CLOCK: variants seen among roughly 807,000 people sequenced by gnomAD.
The protein encoded by CLOCK is circadian locomoter output cycles protein kaput.
CLOCK carries 43 observed loss-of-function variants against 118.4 expected under a neutral mutation model. The observed-to-expected ratio is 0.36, with a 90% confidence interval of 0.28 to 0.47. The LOEUF (loss-of-function observed/expected upper bound fraction) is 0.47. Ranked by LOEUF, CLOCK falls within the 20% of genes least tolerant of loss-of-function variation. CLOCK has a pLI of 1.00. For missense variants in CLOCK, 846 were observed against 999.9 expected, an observed-to-expected ratio of 0.85 and a Z score of 2.08; for synonymous variants, 326 against 339.2, an observed-to-expected ratio of 0.96 and a Z score of 0.43.
intron 8 of CLOCK, among the ~76,000 whole-genome samples, chr4:55,466,058 AT>A (rs1378733252): frequency 3.9e-5 from 6 of 152,294 alleles, no homozygotes; most frequent in Admixed American, 6.5e-5. Context: ...GATGCAAAAA[AT>A]AATCTGATAT....
chr4:55,470,352 G>T (rs949458278), intron 8 of CLOCK, among the ~76,000 whole-genome samples: 1 of 152,002 alleles, frequency 6.6e-6, no homozygotes, highest in Non-Finnish European at 1.5e-5. Context: ...TCAGTACAGC[G>T]GCATGCTGTA....
intron 1 of CLOCK, among the ~76,000 whole-genome samples, chr4:55,537,206 G>C (rs910309926): frequency 6.6e-6 from 1 of 152,150 alleles, no homozygotes; most frequent in Non-Finnish European, 1.5e-5. Context: ...GAAACGGCCA[G>C]GAGTGGAGGC....
Position 55,435,219 on chromosome 4 carries a change from T to A in CLOCK, c.*196A>T. 1 of 630,592 alleles carries A rather than the reference T, an allele frequency of 1.6e-6. No individual in the cohort carries two copies. 39.1% of individuals were successfully genotyped at this position (630,592 alleles called of 1,614,324 possible). Reference sequence around the variant, plus strand: ...AACTGGCTATGCCCCTATGATCACCTCCTGCTGGCTGGTATTTAATGTACA... The same window carrying A: ...AACTGGCTATGCCCCTATGATCACCACCTGCTGGCTGGTATTTAATGTACA... On this transcript the variant is annotated 3_prime_UTR_variant, in exon 23 of 23. Transcript: ENST00000513440.
chr4:55,528,033 CAAA>C (rs11361087), intron 1 of CLOCK, among the ~76,000 whole-genome samples: 4 of 138,270 alleles, frequency 2.9e-5, no homozygotes, highest in African/African-American at 2.7e-5. Flanking sequence ...CCCTGTCTCT[CAAA>C]AAAAAAAAAA....
chr4:55,470,956 C>A (rs536457674), intron 7 of CLOCK, 150 bp from the exon 8 acceptor site: 7 of 626,256 alleles, frequency 1.1e-5, no homozygotes, highest in Middle Eastern at 4.4e-4. Context: ...CTTTACAATA[C>A]CTTGGTATGT....
In CLOCK at chr4:55,444,698, G is replaced by A. The variant is rs774685553; in HGVS notation, c.1627C>T (p.Arg543Trp). 1.2e-6 allele frequency: 2 copies of A among 1,613,990 alleles called. No individual in the cohort carries two copies. The highest frequency in any genetic ancestry group is 1.7e-6 in the Non-Finnish European group (2 of 1,179,984). ...ATTTTTCTTAGTTCTTCTTGTTGCC[G>A]ATGAATATTTGCTTCTATCATGCGT... ...RTRMIEANIH[R>W]QQEELRKIQE... The change falls in exon 19 of 23, where the codon CGG (arginine) becomes TGG (tryptophan). Residue 543 changes from arginine to tryptophan, a missense_variant. Coordinates refer to ENST00000513440, the MANE Select transcript of CLOCK (RefSeq NM_004898.4).
chr4:55,500,592 C>T (rs1235758229), intron 2 of CLOCK, among the ~76,000 whole-genome samples: 1 of 152,118 alleles, frequency 6.6e-6, no homozygotes, highest in Non-Finnish European at 1.5e-5. Flanking sequence ...CTCAAGCAAT[C>T]CTCCTGCCGT....
In CLOCK at chr4:55,476,213, G is replaced by A. The variant is rs1055267459; in HGVS notation, c.257-159C>T. ...CAAGAGGTCCAGGTTTTGGTATGAT[G>A]AAATATTTGAGATAACATGGCAAGT... On this transcript the variant is annotated intron_variant, in intron 6 of 22. Transcript: ENST00000513440. Among the ~76,000 whole-genome samples, 11 of 152,268 alleles carry A rather than the reference G, an allele frequency of 7.2e-5. No individual in the cohort carries two copies. The East Asian group carries it at 2.1e-3, about 29-fold the overall frequency.
At chr4:55,452,852 C>T (rs1251953326) in intron 15 of CLOCK, 4 of 469,710 alleles carry the variant, frequency 8.5e-6, no homozygotes, top group African/African-American at 7.9e-5. Context: ...AGATCAGACA[C>T]ATCTCTCATC....
chr4:55,468,444 T>C (rs980547160), intron 8 of CLOCK, among the ~76,000 whole-genome samples: 3 of 152,198 alleles, frequency 2.0e-5, no homozygotes, highest in Non-Finnish European at 4.4e-5. Flanking sequence ...AGAAAAAAAG[T>C]AAGCACATAA....
intron 2 of CLOCK, among the ~76,000 whole-genome samples, chr4:55,491,746 G>A (rs1203004140): frequency 1.3e-5 from 2 of 152,070 alleles, no homozygotes; most frequent in Admixed American, 1.3e-4. Flanking sequence ...TCATATAATG[G>A]AATGCTATAC....
chr4:55,536,310 G>GATT (rs1319365359), intron 1 of CLOCK, among the ~76,000 whole-genome samples: 1 of 152,150 alleles, frequency 6.6e-6, no homozygotes, highest in African/African-American at 2.4e-5. Flanking sequence ...AATTTAAGAT[G>GATT]ATGGGCTCCT....
At chr4:55,504,431 T>C (rs1728666389) in intron 2 of CLOCK, among the ~76,000 whole-genome samples, 1 of 152,086 alleles carries the variant, frequency 6.6e-6, no homozygotes, top group African/African-American at 2.4e-5. Context: ...GTAAAGTGCT[T>C]AGAATATAAT....
rs201931385 is a variant in CLOCK at position 55,503,625 on chromosome 4, TATC to T, written c.-136+6284_-136+6286del. Among the ~76,000 whole-genome samples the T allele has an allele frequency of 6.3e-3, 967 of 152,310 alleles. 16 individuals are homozygous for T. Among genetic ancestry groups the T allele is most frequent in the African/African-American group, 0.022 (894 of 41,576 alleles). On this transcript the variant is annotated intron_variant, in intron 2 of 22. Transcript: ENST00000513440. ...AGAGTAAACAAAAAAAAGTTAGTGATATCATGTCAGTCCCTTGATTTTTTAAAT... is the reference window on the plus strand; with the variant it reads ...AGAGTAAACAAAAAAAAGTTAGTGATATGTCAGTCCCTTGATTTTTTAAAT...
intron 1 of CLOCK, among the ~76,000 whole-genome samples, chr4:55,535,226 A>C (rs933490745): frequency 6.6e-6 from 1 of 152,172 alleles, no homozygotes; most frequent in Admixed American, 6.5e-5. Flanking sequence ...GGTGATTACA[A>C]GAATGTTTAG....
intron 21 of CLOCK, among the ~76,000 whole-genome samples, chr4:55,441,346 G>C (rs1215844497): frequency 6.6e-6 from 1 of 152,164 alleles, no homozygotes. Flanking sequence ...ACTAAAAGTA[G>C]ATCTACCATT....
At chr4:55,517,721 A>G (rs978598191) in intron 1 of CLOCK, among the ~76,000 whole-genome samples, 1 of 152,160 alleles carries the variant, frequency 6.6e-6, no homozygotes, top group Non-Finnish European at 1.5e-5. Context: ...AGTGAAACCA[A>G]CTGGGCCTAG....
intron 6 of CLOCK, among the ~76,000 whole-genome samples, chr4:55,478,299 C>T (rs1726670099): frequency 6.6e-6 from 1 of 152,022 alleles, no homozygotes; most frequent in Non-Finnish European, 1.5e-5. Context: ...TAAAATGACA[C>T]ATAAGAACTT....
chr4:55,459,965 C>T (rs1021233257), intron 9 of CLOCK, among the ~76,000 whole-genome samples: 2 of 152,162 alleles, frequency 1.3e-5, no homozygotes, highest in Non-Finnish European at 2.9e-5. Context: ...AGGGTCCTTA[C>T]TATCTACTTT....
Sources: gnomAD v4.1 joint callset for allele counts (sites outside exome capture counted in the v4.1 genomes callset) on GRCh38, gnomAD v4.1.1 for gene constraint, MANE v1.5 for transcripts, NCBI Gene and HGNC (gene_info 2026-07-23, HGNC 2026-07-21) for gene names.